Variants in SYT1 observed in about 807,000 individuals in gnomAD.
SYT1 encodes the protein synaptotagmin-1.
In SYT1, 8 loss-of-function variants were observed where a neutral mutation model predicts 44.8. That is an observed-to-expected ratio of 0.18 (90% CI 0.10 to 0.32). SYT1 has a LOEUF of 0.32. Ranked by LOEUF, SYT1 falls within the 10% of genes least tolerant of loss-of-function variation. SYT1 has a pLI of 1.00. For synonymous variants in SYT1, 154 were observed against 188.8 expected (o/e 0.82, Z 1.51); for missense variants, 286 against 509.3 (o/e 0.56, Z 4.22).
chr12:79,402,700 C>A (rs1360305488), intron 9 of SYT1, among the ~76,000 whole-genome samples: 1 of 152,078 alleles, frequency 6.6e-6, no homozygotes, highest in Non-Finnish European at 1.5e-5. Flanking sequence ...CTCATTAAAT[C>A]CTCAGTGTGT....
At chr12:79,422,773 C>G (rs1430721238) in intron 9 of SYT1, among the ~76,000 whole-genome samples, 1 of 152,016 alleles carries the variant, frequency 6.6e-6, no homozygotes, top group African/African-American at 2.4e-5. Flanking sequence ...AAGGGGAACA[C>G]TCTAGGATTT....
At chr12:78,870,930 A>C (rs1183942400) in intron 1 of SYT1, among the ~76,000 whole-genome samples, 1 of 152,084 alleles carries the variant, frequency 6.6e-6, no homozygotes, top group Non-Finnish European at 1.5e-5. Flanking sequence ...ACACTTTTAA[A>C]ATGCGATACT....
chr12:79,001,069 C>T (rs954443382), intron 2 of SYT1, among the ~76,000 whole-genome samples: 9 of 152,054 alleles, frequency 5.9e-5, no homozygotes, highest in Non-Finnish European at 1.3e-4. Flanking sequence ...TTGTCCATAC[C>T]TTAATTCATA....
chr12:79,375,762 T>A (rs1275270925), intron 9 of SYT1, among the ~76,000 whole-genome samples: 1 of 152,158 alleles, frequency 6.6e-6, no homozygotes, highest in African/African-American at 2.4e-5. Flanking sequence ...ATTTGACTGA[T>A]GCCCCCTCTA....
At chr12:79,138,825 A>T (rs773689476) in intron 3 of SYT1, among the ~76,000 whole-genome samples, 2 of 152,194 alleles carry the variant, frequency 1.3e-5, no homozygotes, top group Non-Finnish European at 2.9e-5. Context: ...AGGCTTTCAC[A>T]TATGGTGGGG....
At chr12:79,205,540 G>A (rs998144763) in intron 3 of SYT1, among the ~76,000 whole-genome samples, 28 of 152,092 alleles carry the variant, frequency 1.8e-4, no homozygotes, top group African/African-American at 6.5e-4. Flanking sequence ...TAATGAATAC[G>A]TTTTTAGTTA....
intron 9 of SYT1, among the ~76,000 whole-genome samples, chr12:79,431,513 A>ATTTATTTATTTAT (rs1555225314): frequency 1.4e-5 from 2 of 142,702 alleles, no homozygotes; most frequent in African/African-American, 2.7e-5. Context: ...ATTTTATTTT[A>ATTTATTTATTTAT]TTATTTATTT....
chr12:79,103,555 A>C (rs899744492), intron 3 of SYT1, among the ~76,000 whole-genome samples: 1 of 152,086 alleles, frequency 6.6e-6, no homozygotes, highest in Non-Finnish European at 1.5e-5. Context: ...CTTTTATGTA[A>C]GTAAATATGA....
At chr12:79,295,061 A>G (rs535155643) in intron 6 of SYT1, among the ~76,000 whole-genome samples, 3 of 152,122 alleles carry the variant, frequency 2.0e-5, no homozygotes, top group Admixed American at 6.5e-5. Context: ...TTTTTACTCT[A>G]CTAGCTAAAA....
intron 1 of SYT1, among the ~76,000 whole-genome samples, chr12:78,878,750 G>C (rs1051084556): frequency 6.6e-6 from 1 of 151,582 alleles, no homozygotes; most frequent in African/African-American, 2.4e-5. Context: ...AAGCCTCAAG[G>C]GCTTCAGCAC....
intron 3 of SYT1, among the ~76,000 whole-genome samples, chr12:79,087,368 A>G (rs1877454006): frequency 6.6e-6 from 1 of 152,128 alleles, no homozygotes; most frequent in African/African-American, 2.4e-5. Flanking sequence ...TATCTCAGGA[A>G]ACCAAATGAA....
intron 1 of SYT1, among the ~76,000 whole-genome samples, chr12:78,899,463 T>G (rs560410260): frequency 6.6e-6 from 1 of 152,102 alleles, no homozygotes; most frequent in African/African-American, 2.4e-5. Flanking sequence ...TAAAAAGATG[T>G]GCATAATTTG....
chr12:79,041,932 G>A (rs530034344), intron 2 of SYT1, among the ~76,000 whole-genome samples: 1 of 152,260 alleles, frequency 6.6e-6, no homozygotes, highest in East Asian at 1.9e-4. Flanking sequence ...TCCATTTATT[G>A]ATTTGCATAT....
intron 1 of SYT1, among the ~76,000 whole-genome samples, chr12:78,936,398 A>G (rs1321110769): frequency 1.3e-5 from 2 of 152,122 alleles, no homozygotes; most frequent in Non-Finnish European, 1.5e-5. Flanking sequence ...ATATAATTGA[A>G]AAGTTAAACC....
intron 4 of SYT1, among the ~76,000 whole-genome samples, chr12:79,281,230 G>A (rs927009656): frequency 2.6e-5 from 4 of 152,056 alleles, no homozygotes; most frequent in Non-Finnish European, 5.9e-5. Context: ...ATTCACAAAC[G>A]CAGAGGTATG....
intron 3 of SYT1, among the ~76,000 whole-genome samples, chr12:79,085,690 C>A (rs1321089681): frequency 6.6e-6 from 1 of 152,146 alleles, no homozygotes; most frequent in Non-Finnish European, 1.5e-5. Flanking sequence ...CCTCTCCAGG[C>A]TCCAGTTTCC....
chr12:79,055,119 C>T lies in SYT1; in HGVS notation c.-18+7757C>T, dbSNP rs1005900050. Among the ~76,000 whole-genome samples the T allele has an allele frequency of 2.0e-5, 3 of 151,886 alleles. No individual in the cohort carries two copies. In the South Asian group the frequency reaches 6.2e-4, roughly 31 times the overall value. The stretch of plus-strand genomic sequence containing the variant: ...AGACCTCTGTGAGTTTTGATTTCTC[C>T]ATTGAGTAATTGTGATATTCAAATG... On this transcript the variant is annotated intron_variant, in intron 3 of 10. Transcript: ENST00000261205.
At chr12:78,975,945 G>T (rs868323756) in intron 1 of SYT1, among the ~76,000 whole-genome samples, 3 of 152,280 alleles carry the variant, frequency 2.0e-5, no homozygotes, top group Non-Finnish European at 4.4e-5. Context: ...GATAGCAGTA[G>T]CTCAGGGCAT....
chr12:79,276,659 A>G (rs1878741787), intron 4 of SYT1, among the ~76,000 whole-genome samples: 1 of 150,160 alleles, frequency 6.7e-6, no homozygotes, highest in African/African-American at 2.5e-5. Flanking sequence ...CTGGTGACAG[A>G]GCAAGACTCC....
Sources: gnomAD v4.1 joint callset for allele counts (sites outside exome capture counted in the v4.1 genomes callset) on GRCh38, gnomAD v4.1.1 for gene constraint, MANE v1.5 for transcripts, NCBI Gene and HGNC (gene_info 2026-07-23, HGNC 2026-07-21) for gene names.